Variants in PTPN18 observed in about 807,000 individuals in gnomAD.
The protein encoded by PTPN18 is protein tyrosine phosphatase non-receptor type 18, also known as tyrosine-protein phosphatase non-receptor type 18.
A neutral mutation model predicts 65.4 loss-of-function variants in PTPN18; 65 were observed. The observed-to-expected ratio is 0.99, with a 90% CI of 0.81 to 1.22. PTPN18 has a LOEUF of 1.22. Ranked by LOEUF, PTPN18 falls within the 50% of genes most tolerant of loss-of-function variation. PTPN18 has a pLI of 0.00. For missense variants in PTPN18, 616 were observed against 646.5 expected (o/e 0.95, Z 0.51); for synonymous variants, 255 against 267.8 (o/e 0.95, Z 0.47).
At chr2:130,366,394 C>T (rs141163449) in intron 5 of PTPN18, among the ~76,000 whole-genome samples, 11 of 152,212 alleles carry the variant, frequency 7.2e-5, no homozygotes, top group Admixed American at 2.6e-4. Flanking sequence ...TTCAGATGAT[C>T]GTGTGTTTTG....
chr2:130,372,691 T>G, intron 13 of PTPN18, 182 bp from the exon 14 acceptor site: 1 of 958,926 alleles, frequency 1.0e-6, no homozygotes, highest in Non-Finnish European at 1.5e-6. Context: ...GCAGGGTTCC[T>G]GGCAATACTT....
rs571697628 is a variant in PTPN18, at chr2:130,372,501, C to T, written c.1240+18C>T. On this transcript the variant is annotated intron_variant, in intron 13 of 14. Coordinates refer to ENST00000175756, the MANE Select transcript of PTPN18 (RefSeq NM_014369.4). ...TGGCCGCGGTGAGTCGAGGCTTGCT[C>T]CTTCTCAGGGCATCATCCTGCTGTG... 10 of 1,387,926 alleles carry T rather than the reference C, an allele frequency of 7.2e-6. No homozygotes were observed. The South Asian group carries it at 1.6e-4, about 23-fold the overall frequency. The allele number at this position is 1,387,926 out of a possible 1,614,324, so 86.0% of individuals were successfully genotyped here.
chr2:130,356,585 C>A (rs773916994), intron 1 of PTPN18: 3 of 482,402 alleles, frequency 6.2e-6, no homozygotes, highest in Non-Finnish European at 1.3e-5. Context: ...ACCTGACTGT[C>A]CCCTGTGACC....
chr2:130,357,843 G>A (rs544660380), intron 1 of PTPN18, among the ~76,000 whole-genome samples: 49 of 134,002 alleles, frequency 3.7e-4, no homozygotes, highest in Non-Finnish European at 9.2e-5. Flanking sequence ...GCAACAGAGC[G>A]AGACTCCATC....
rs774709547 is a variant in PTPN18 at position 130,372,922 on chromosome 2, G to C, written c.1290G>C (p.Ala430=). Residue 430 remains alanine, a synonymous_variant, in exon 14 of 15, where the codon GCG becomes GCC. Coordinates refer to ENST00000175756, the MANE Select transcript of PTPN18 (RefSeq NM_014369.4). ...PAGSGAYEDV[A]GGAQTGGLGF... Reference sequence around the variant, plus strand: ...GATCTGGCGCCTACGAGGACGTGGCGGGTGGAGCTCAGACCGGTGGGCTAG... The same window carrying C: ...GATCTGGCGCCTACGAGGACGTGGCCGGTGGAGCTCAGACCGGTGGGCTAG... 1 of 1,614,190 alleles carries C rather than the reference G, an allele frequency of 6.2e-7. No individual in the cohort carries two copies. The highest frequency in any genetic ancestry group is 1.1e-5 in the South Asian group (1 of 91,086).
Position 130,372,440 on chromosome 2 carries a change from CG to C in PTPN18, c.1201del (p.Ala401ArgfsTer38). ...AGGTGACGCCGCGCGCCCAGCGACC[CG>C]GGGCGCACGCGGAGGACGCGAGGGG... Reference protein sequence around the residue: ...SKVTPRAQRPGAHAEDARGTL... With the variant: ...SKVTPRAQRPXAHAEDARGTL... On this transcript the variant is annotated frameshift_variant, in exon 13 of 15. Coordinates refer to ENST00000175756, the MANE Select transcript of PTPN18 (RefSeq NM_014369.4). LOFTEE classifies it high-confidence loss of function. The C allele has an allele frequency of 1.5e-6, 2 of 1,367,674 alleles. No individual in the cohort carries two copies. Among genetic ancestry groups the C allele is most frequent in the Non-Finnish European group, 1.9e-6 (2 of 1,067,386 alleles). 84.7% of individuals were successfully genotyped at this position (1,367,674 alleles called of 1,614,324 possible). A position where few individuals can be genotyped will look rare whatever the true frequency, so the allele number is the denominator to read the frequency against.
rs1679978756 is a variant in PTPN18, at chr2:130,356,608, G to A, written c.93+408G>A. 6 of 476,116 alleles carry A rather than the reference G, an allele frequency of 1.3e-5. No individual in the cohort carries two copies. In the East Asian group the frequency reaches 2.0e-4, roughly 16 times the overall value. 29.5% of individuals were successfully genotyped at this position (476,116 alleles called of 1,614,324 possible). A position where few individuals can be genotyped will look rare whatever the true frequency, so the allele number is the denominator to read the frequency against. ...GTCCCCTGTGACCACAGGAAGGAAG[G>A]GGCTGCAGCAGGGCGAAGAGGAACA... On this transcript the variant is annotated intron_variant, in intron 1 of 14. Transcript: ENST00000175756.
At chr2:130,363,449 AAAAAAG>A (rs1402380905) in intron 5 of PTPN18, among the ~76,000 whole-genome samples, 1 of 152,092 alleles carries the variant, frequency 6.6e-6, no homozygotes, top group East Asian at 1.9e-4. Context: ...GTCTCTCAAA[AAAAAAG>A]AAAAAGAAAA....
intron 12 of PTPN18, chr2:130,371,999 A>C: frequency 4.3e-6 from 2 of 469,642 alleles, no homozygotes; most frequent in Non-Finnish European, 7.6e-6. Flanking sequence ...GTAGACGTTG[A>C]CACAGAAATG....
chr2:130,371,814 C>CA (rs916301691), intron 12 of PTPN18, among the ~76,000 whole-genome samples: 1 of 151,540 alleles, frequency 6.6e-6, no homozygotes, highest in Admixed American at 6.6e-5. Context: ...GATCCTGTCT[C>CA]AAAAAAACAA....
rs1397405486 is a variant in PTPN18 at position 130,373,160 on chromosome 2, T to A, written c.1319T>A (p.Phe440Tyr). ...AGGAQTGGLGFNLRIGRPKGP... is the reference protein window; with the variant it reads ...AGGAQTGGLGYNLRIGRPKGP... The stretch of plus-strand genomic sequence containing the variant: ...CACGGCACCCTTCTTCTCCCAGGTT[T>A]CAACCTGCGCATTGGGAGGCCGAAG... The change falls in exon 15 of 15, where the codon TTC (phenylalanine) becomes TAC (tyrosine). Residue 440 changes from phenylalanine (F) to tyrosine (Y), a missense_variant. Physicochemically the swap from Phe to Tyr is conservative, Grantham distance 22. Coordinates refer to ENST00000175756, the MANE Select transcript of PTPN18 (RefSeq NM_014369.4). This position sits in a 1 kb window ranked among gnomAD's most constrained non-coding sequence, Gnocchi z 4.1. 9 of 1,591,094 alleles carry A rather than the reference T, an allele frequency of 5.7e-6. No individual in the cohort carries two copies. Among genetic ancestry groups the A allele is most frequent in the Non-Finnish European group, 7.7e-6 (9 of 1,167,958 alleles).
intron 8 of PTPN18, 74 bp from the exon 9 acceptor site, chr2:130,370,483 C>G: frequency 6.5e-7 from 1 of 1,547,396 alleles, no homozygotes; most frequent in Non-Finnish European, 8.9e-7. Context: ...GACCCTCACC[C>G]CCATCCCCAA....
intron 5 of PTPN18, among the ~76,000 whole-genome samples, chr2:130,361,712 C>T (rs140359981): frequency 6.6e-6 from 1 of 151,892 alleles, no homozygotes; most frequent in Non-Finnish European, 1.5e-5. Flanking sequence ...CTCAGCCTCT[C>T]GAGTAGCTGG....
rs1312987162 is a variant in PTPN18, at chr2:130,370,564, T to G, written c.697T>G (p.Cys233Gly). Residue 233 changes from cysteine (C) to glycine (G), a missense_variant, in exon 9 of 15, where the codon TGT becomes GGT. Cys to Gly is a radical substitution (Grantham distance 159, BLOSUM62 -3). This residue lies in a region of PTPN18 where 368 missense variants were observed against 386.7 expected (regional missense o/e 0.95). Transcript: ENST00000175756. ...EPLCVHCSAG[C>G]GRTGVLCTVD... is the part of the protein sequence containing the mutation. Reference sequence around the variant, plus strand: ...CTCTGATTCTCTTGTCAGTGCGGGTTGTGGGCGAACAGGCGTCCTGTGCAC... The same window carrying G: ...CTCTGATTCTCTTGTCAGTGCGGGTGGTGGGCGAACAGGCGTCCTGTGCAC... 6.2e-7 allele frequency: 1 copy of G among 1,614,122 alleles called. No individual in the cohort carries two copies. Among genetic ancestry groups the G allele is most frequent in the East Asian group, 2.2e-5 (1 of 44,872 alleles).
At position 130,373,512 on chromosome 2, in the gene PTPN18, G is replaced by A. The variant is rs191684808; in HGVS notation, c.*288G>A. On this transcript the variant is annotated 3_prime_UTR_variant, in exon 15 of 15. Transcript: ENST00000175756. The surrounding 1 kb of genome is among the most constrained non-coding windows in gnomAD (Gnocchi z 4.1). ...TATGAAGGGGAGAAGGGACAGATGA[G>A]CTTCCGGAGACTGCTCTCCTCACCA... The A allele has an allele frequency of 2.7e-4, 79 of 297,132 alleles. 1 individual carries two copies. In the East Asian group the frequency reaches 3.8e-3, roughly 14 times the overall value. The allele number at this position is 297,132 out of a possible 1,614,324, so 18.4% of individuals were successfully genotyped here. A position where few individuals can be genotyped will look rare whatever the true frequency, so the allele number is the denominator to read the frequency against.
intron 5 of PTPN18, among the ~76,000 whole-genome samples, chr2:130,365,306 T>C (rs998446164): frequency 3.3e-5 from 5 of 152,216 alleles, no homozygotes; most frequent in African/African-American, 1.2e-4. Flanking sequence ...CAATGACATA[T>C]ATGCCATCCT....
At chr2:130,362,067 A>C in intron 5 of PTPN18, 1 of 461,664 alleles carries the variant, frequency 2.2e-6, no homozygotes, top group South Asian at 1.6e-5. Context: ...TCCTGGGCTC[A>C]AATGATCATG....
chr2:130,369,119 CT>C lies in PTPN18; in HGVS notation c.415-12del. 1 of 1,606,282 alleles carries C rather than the reference CT, an allele frequency of 6.2e-7. No individual in the cohort carries two copies. Among genetic ancestry groups the C allele is most frequent in the Non-Finnish European group, 8.5e-7 (1 of 1,174,882 alleles). ...TCTTCTCACTCCCTGCCTTTTCTCCCTTACCTTTTGCAGAAAAGGTGTGAGC... is the reference window on the plus strand; with the variant it reads ...TCTTCTCACTCCCTGCCTTTTCTCCCTACCTTTTGCAGAAAAGGTGTGAGC... On this transcript the variant is annotated splice_polypyrimidine_tract_variant and intron_variant, in intron 5 of 14. Coordinates refer to ENST00000175756, the MANE Select transcript of PTPN18 (RefSeq NM_014369.4).
intron 8 of PTPN18, 117 bp from the exon 9 acceptor site, chr2:130,370,439 TG>T: frequency 7.9e-7 from 1 of 1,268,426 alleles, no homozygotes. Context: ...CTGAAGATTC[TG>T]GGAATCAAGA....
Sources: allele counts gnomAD v4.1 joint callset (sites outside exome capture counted in the v4.1 genomes callset), GRCh38; gene constraint gnomAD v4.1.1; regional missense constraint gnomAD v4.1.1; non-coding constraint Gnocchi (gnomAD v3.1); transcripts MANE v1.5; gene names NCBI Gene and HGNC (gene_info 2026-07-23, HGNC 2026-07-21).